The following PLXNC1 variants were observed in gnomAD, a reference collection of about 807,000 sequenced individuals.
PLXNC1 encodes plexin C1.
A neutral mutation model predicts 178.2 loss-of-function variants in PLXNC1; 75 were observed. The ratio of observed to expected loss-of-function variants is 0.42; its 90% confidence interval spans 0.35 to 0.51. PLXNC1 has a LOEUF of 0.51. PLXNC1 is among the 20% of genes least tolerant of loss of function. The pLI, the probability that PLXNC1 is intolerant of heterozygous loss-of-function variation, is 0.02. For synonymous variants in PLXNC1, 790 were observed against 779.9 expected (o/e 1.01, Z -0.22); for missense variants, 1,503 against 1,984.4 (o/e 0.76, Z 4.61).
intron 23 of PLXNC1, among the ~76,000 whole-genome samples, chr12:94,283,803 G>A (rs1247402255): frequency 6.6e-6 from 1 of 152,192 alleles, no homozygotes; most frequent in Non-Finnish European, 1.5e-5. Flanking sequence ...CAGGGTCTGG[G>A]CCAGGCGTGG....
At chr12:94,240,296 A>G (rs140632238) in intron 10 of PLXNC1, among the ~76,000 whole-genome samples, 189 bp from the exon 11 acceptor site, 1 of 152,330 alleles carries the variant, frequency 6.6e-6, no homozygotes, top group Admixed American at 6.5e-5. Flanking sequence ...GTACTAAAGA[A>G]AGAGGAACCC....
At position 94,208,452 on chromosome 12, in the gene PLXNC1, A is replaced by T. The variant is rs533886580; in HGVS notation, c.1440-1138A>T. On this transcript the variant is annotated intron_variant, in intron 4 of 30. Transcript: ENST00000258526. ...ATTGAAAGAGAGAGAGAGTAGAGAA[A>T]GGAGAAAAAATAAAACCTTTAGGAA... Among the ~76,000 whole-genome samples the T allele has an allele frequency of 5.3e-5, 8 of 152,362 alleles. No individual in the cohort carries two copies. The South Asian group carries it at 1.7e-3, about 32-fold the overall frequency.
At chr12:94,216,361 T>C (rs1027325382) in intron 5 of PLXNC1, among the ~76,000 whole-genome samples, 6 of 149,298 alleles carry the variant, frequency 4.0e-5, no homozygotes, top group African/African-American at 1.5e-4. Flanking sequence ...CTAAGAAAAA[T>C]TAAAAAGAAA....
rs1166416219 is a variant in PLXNC1, at chr12:94,280,617, C to T, written c.3775+968C>T. On this transcript the variant is annotated intron_variant, in intron 22 of 30. Coordinates refer to ENST00000258526, the MANE Select transcript of PLXNC1 (RefSeq NM_005761.3). ...TTCCTTCCTTGGGTGACCGTTGAGT[C>T]ACTTGAGGACCATTTTAGCTCATTT... 4.6e-5 allele frequency among the ~76,000 whole-genome samples: 7 copies of T among 152,306 alleles called. No homozygotes were observed. The East Asian group carries it at 1.4e-3, about 29-fold the overall frequency.
intron 21 of PLXNC1, among the ~76,000 whole-genome samples, chr12:94,270,584 ACCCACC>A (rs952650686): frequency 7.9e-5 from 12 of 151,570 alleles, no homozygotes; most frequent in African/African-American, 2.9e-4. Flanking sequence ...AACACACAAC[ACCCACC>A]CCCACCCCCA....
chr12:94,205,887 C>A lies in PLXNC1; in HGVS notation c.1440-3703C>A, dbSNP rs1053447102. On this transcript the variant is annotated intron_variant, in intron 4 of 30. Transcript: ENST00000258526. ...TCCTCTATTAAGTGGTGGTTAGGAT[C>A]TATAGGAAGGCATGAAGCCAGGGGG... Among the ~76,000 whole-genome samples the A allele has an allele frequency of 2.0e-5, 3 of 152,206 alleles. No homozygotes were observed. In the South Asian group the frequency reaches 6.2e-4, roughly 31 times the overall value.
chr12:94,234,743 C>G (rs986419478), intron 9 of PLXNC1, among the ~76,000 whole-genome samples: 2 of 152,218 alleles, frequency 1.3e-5, no homozygotes, highest in Non-Finnish European at 2.9e-5. Flanking sequence ...TTACAATTAA[C>G]TCCCTCTAAA....
chr12:94,156,704 C>CTTTT lies in PLXNC1; in HGVS notation c.1062+6674_1062+6675insTTTT, dbSNP rs1209546709. Reference sequence around the variant, plus strand: ...CTGGAGGAGAGACACTGGAAACTTTCTTTCTTTTTTTTTTTTTTTTTTAAA... The same window carrying CTTTT: ...CTGGAGGAGAGACACTGGAAACTTTCTTTTTTTCTTTTTTTTTTTTTTTTTTAAA... On this transcript the variant is annotated intron_variant, in intron 1 of 30. Transcript: ENST00000258526. Among the ~76,000 whole-genome samples the CTTTT allele has an allele frequency of 7.7e-5, 10 of 129,932 alleles. 3 individuals carry two copies. The highest frequency in any genetic ancestry group is 8.6e-5 in the African/African-American group (3 of 34,718). The allele number at this position is 129,932 out of a possible 152,430, so 85.2% of individuals were successfully genotyped here. A position where few individuals can be genotyped will look rare whatever the true frequency, so the allele number is the denominator to read the frequency against.
At chr12:94,248,173 T>A in intron 13 of PLXNC1, 54 bp from the exon 14 acceptor site, 1 of 1,594,064 alleles carries the variant, frequency 6.3e-7, no homozygotes, top group Non-Finnish European at 8.6e-7. Flanking sequence ...GTGTTTATGC[T>A]CGTGAGTTTC....
chr12:94,268,690 G>A (rs1565842099), intron 21 of PLXNC1, among the ~76,000 whole-genome samples: 2 of 149,282 alleles, frequency 1.3e-5, no homozygotes, highest in Admixed American at 1.4e-4. Context: ...CGCCTCTGGG[G>A]TTCAAGCGAT....
chr12:94,234,690 G>A (rs1401363302), intron 9 of PLXNC1, among the ~76,000 whole-genome samples: 3 of 152,164 alleles, frequency 2.0e-5, no homozygotes, highest in Non-Finnish European at 4.4e-5. Context: ...TCCCACGATA[G>A]GGCTCTAAGA....
intron 17 of PLXNC1, among the ~76,000 whole-genome samples, chr12:94,257,561 G>A (rs1221761279): frequency 6.6e-6 from 1 of 152,086 alleles, no homozygotes; most frequent in Non-Finnish European, 1.5e-5. Context: ...ATCACTTGAG[G>A]TCAGGAGTTA....
intron 14 of PLXNC1, among the ~76,000 whole-genome samples, chr12:94,248,846 T>C (rs976640152): frequency 1.3e-5 from 2 of 152,194 alleles, no homozygotes; most frequent in Non-Finnish European, 2.9e-5. Context: ...GACCAGATAA[T>C]CTCTGGGTCA....
intron 2 of PLXNC1, among the ~76,000 whole-genome samples, chr12:94,173,680 T>C (rs1334402084): frequency 1.3e-5 from 2 of 152,346 alleles, no homozygotes; most frequent in Non-Finnish European, 2.9e-5. Flanking sequence ...CCAACTAAAC[T>C]GCATTAACTC....
At chr12:94,225,285 A>T (rs1963908182) in intron 7 of PLXNC1, among the ~76,000 whole-genome samples, 1 of 152,204 alleles carries the variant, frequency 6.6e-6, no homozygotes, top group Non-Finnish European at 1.5e-5. Flanking sequence ...TGTGAGCACC[A>T]AATGGGAGTT....
chr12:94,266,491 C>A (rs959596068), intron 21 of PLXNC1, among the ~76,000 whole-genome samples: 1 of 152,232 alleles, frequency 6.6e-6, no homozygotes, highest in African/African-American at 2.4e-5. Flanking sequence ...AGTCGCTAGG[C>A]AGCATGCTGG....
In PLXNC1 at chr12:94,219,966, T is replaced by C. The variant is rs192742082; in HGVS notation, c.1555-50T>C. 2.0e-3 allele frequency: 3,099 copies of C among 1,587,750 alleles called. 5 individuals carry two copies. The highest frequency in any genetic ancestry group is 2.4e-3 in the Non-Finnish European group (2,839 of 1,159,624). ...AGATCATATGAGGCTCTATGATGGA[T>C]GGAAATGAGGCAAAAATCATCATTT... On this transcript the variant is annotated intron_variant, in intron 5 of 30. Transcript: ENST00000258526.
intron 1 of PLXNC1, chr12:94,150,891 G>C (rs1174060716): frequency 1.3e-5 from 2 of 152,248 alleles, no homozygotes; most frequent in Non-Finnish European, 2.9e-5. Flanking sequence ...GTTTCCCCTG[G>C]GCTCCCAGGG....
chr12:94,303,493 G>C (rs1051132576), intron 28 of PLXNC1, among the ~76,000 whole-genome samples: 1 of 152,084 alleles, frequency 6.6e-6, no homozygotes, highest in Non-Finnish European at 1.5e-5. Flanking sequence ...AATAATTTTA[G>C]TTCTTTTATG....
Sources: allele counts gnomAD v4.1 joint callset (sites outside exome capture counted in the v4.1 genomes callset), GRCh38; gene constraint gnomAD v4.1.1; transcripts MANE v1.5; gene names NCBI Gene and HGNC (gene_info 2026-07-23, HGNC 2026-07-21).